VWCE: variants seen among roughly 807,000 people sequenced by gnomAD.
The protein encoded by VWCE is von Willebrand factor C and EGF domain-containing protein.
In VWCE, 68 loss-of-function variants were observed where a neutral mutation model predicts 102.9. The observed-to-expected ratio is 0.66, with a 90% CI of 0.54 to 0.81. The LOEUF (loss-of-function observed/expected upper bound fraction) is 0.81. VWCE is among the 30% of genes least tolerant of loss of function. The probability of loss-of-function intolerance (pLI) is 0.00; values close to 1 mark genes in which losing one functional copy is unlikely to be tolerated. For missense variants in VWCE, 1,137 were observed against 1,263.6 expected, an observed-to-expected ratio of 0.90 and a Z score of 1.52; for synonymous variants, 497 against 515.4, an observed-to-expected ratio of 0.96 and a Z score of 0.48.
chr11:61,261,465 G>A (rs1313268731), intron 19 of VWCE, among the ~76,000 whole-genome samples: 1 of 151,592 alleles, frequency 6.6e-6, no homozygotes, highest in African/African-American at 2.4e-5. Context: ...AAAAGAGGCT[G>A]GGCTCAGTGG....
chr11:61,289,982 C>T (rs538695007), intron 4 of VWCE, among the ~76,000 whole-genome samples: 10 of 152,292 alleles, frequency 6.6e-5, no homozygotes, highest in South Asian at 2.1e-4. Flanking sequence ...AGATTTTGTC[C>T]GTAGAAATGT....
In VWCE at chr11:61,259,251, G is replaced by A. The variant is rs1303339785; in HGVS notation, c.2292C>T (p.Ser764=). Residue 764 remains serine (S), a synonymous_variant, in exon 20 of 20, where the codon AGC becomes AGT. Transcript: ENST00000335613. ...GLSPHGNVAF[S]KAGRSLHGDT... is the part of the protein sequence containing the mutation. ...CTCCATGCAGGCTCCGACCAGCTTT[G>A]CTGAATGCCACATTTCCGTGAGGGG... 2 of 1,611,076 alleles carry A rather than the reference G, an allele frequency of 1.2e-6. No homozygotes were observed. The highest frequency in any genetic ancestry group is 1.7e-4 in the Middle Eastern group (1 of 6,040).
At chr11:61,286,209 G>A in intron 5 of VWCE, 105 bp downstream of exon 5, 1 of 1,097,512 alleles carries the variant, frequency 9.1e-7, no homozygotes, top group Non-Finnish European at 1.4e-6. Context: ...AAGGTTCAAT[G>A]CAGTGGCACA....
rs1429264780 is a variant in VWCE, at chr11:61,295,009, G to A, written c.29C>T (p.Ala10Val). The A allele has an allele frequency of 1.4e-6, 2 of 1,471,200 alleles. No homozygotes were observed. The highest frequency in any genetic ancestry group is 2.9e-5 in the East Asian group (1 of 34,676). 91.1% of individuals were successfully genotyped at this position (1,471,200 alleles called of 1,614,324 possible). Residue 10 changes from alanine to valine, a missense_variant, in exon 1 of 20, where the codon GCC becomes GTC. By Grantham distance (64) the Ala-to-Val change is moderately conservative. Coordinates refer to ENST00000335613, the MANE Select transcript of VWCE (RefSeq NM_152718.2). This position sits in a 1 kb window ranked among gnomAD's most constrained non-coding sequence, Gnocchi z 4.6. The stretch of plus-strand genomic sequence containing the variant: ...CCCCGGCAGCAGGAGCGCGACACAG[G>A]CGGCCCGAAGGAGCAGTCCGGCCCA... Reference protein sequence around the residue: MWAGLLLRAACVALLLPGAP... With the variant: MWAGLLLRAVCVALLLPGAP...
At position 61,294,477 on chromosome 11, in the gene VWCE, AC is replaced by A. The variant is rs1855611016; in HGVS notation, c.110+450del. Among the ~76,000 whole-genome samples, 1 of 151,888 alleles carries A rather than the reference AC, an allele frequency of 6.6e-6. No homozygotes were observed. The highest frequency in any genetic ancestry group is 2.4e-5 in the African/African-American group (1 of 41,332). ...ACAGAAAACGAAAAGTGACCCAGAGACCCCGGCTGTTCCAAGGTCCATGAAG... is the reference window on the plus strand; with the variant it reads ...ACAGAAAACGAAAAGTGACCCAGAGACCCGGCTGTTCCAAGGTCCATGAAG... On this transcript the variant is annotated intron_variant, in intron 1 of 19. Coordinates refer to ENST00000335613, the MANE Select transcript of VWCE (RefSeq NM_152718.2). The surrounding 1 kb of genome is among the most constrained non-coding windows in gnomAD (Gnocchi z 6.3).
rs1854457989 is a variant in VWCE at position 61,264,655 on chromosome 11, G to A, written c.2140-78C>T. On this transcript the variant is annotated intron_variant, in intron 18 of 19. Transcript: ENST00000335613. ...TGGGCAGTGCCCTCAAGGGCCTCTT[G>A]CACCAGCAGCAGGACCCACGGAAAG... 2.1e-6 allele frequency: 3 copies of A among 1,419,846 alleles called. No homozygotes were observed. In the South Asian group the frequency reaches 3.7e-5, roughly 17 times the overall value. 88.0% of individuals were successfully genotyped at this position (1,419,846 alleles called of 1,614,324 possible). A position where few individuals can be genotyped will look rare whatever the true frequency, so the allele number is the denominator to read the frequency against.
intron 16 of VWCE, among the ~76,000 whole-genome samples, chr11:61,267,189 C>T (rs1256097860): frequency 2.6e-5 from 4 of 152,160 alleles, no homozygotes; most frequent in South Asian, 4.2e-4. Context: ...ACTCGGGAAG[C>T]GGAGGTTGCA....
chr11:61,281,130 G>A lies in VWCE; in HGVS notation c.893C>T (p.Pro298Leu), dbSNP rs758474716. 6.2e-7 allele frequency: 1 copy of A among 1,613,582 alleles called. No homozygotes were observed. The change falls in exon 8 of 20, where the codon CCA (proline) becomes CTA (leucine). Residue 298 changes from proline to leucine, a missense_variant. Around this residue, in one of 5 missense-constraint regions of VWCE, gnomAD observed 575 missense variants for 625.9 expected, o/e 0.92. Coordinates refer to ENST00000335613, the MANE Select transcript of VWCE (RefSeq NM_152718.2). ...LPEAGRPALS[P>L]GHSPPSGAPG... Reference sequence around the variant, plus strand: ...AGCCCCAGAAGGAGGGCTATGTCCTGGGGACAGGGCAGGCCGGCCGGCCTC... The same window carrying A: ...AGCCCCAGAAGGAGGGCTATGTCCTAGGGACAGGGCAGGCCGGCCGGCCTC...
intron 15 of VWCE, 114 bp from the exon 16 acceptor site, chr11:61,267,658 C>A: frequency 1.1e-6 from 1 of 893,152 alleles, no homozygotes; most frequent in South Asian, 1.5e-5. Flanking sequence ...CATGTGCCTC[C>A]CCAGGCAGTC....
At chr11:61,289,052 C>G (rs1855418867) in intron 4 of VWCE, among the ~76,000 whole-genome samples, 1 of 151,800 alleles carries the variant, frequency 6.6e-6, no homozygotes, top group Non-Finnish European at 1.5e-5. Context: ...TTGGTCATGG[C>G]TGGTCTCGAA....
intron 5 of VWCE, 67 bp downstream of exon 5, chr11:61,286,247 G>A (rs1005684009): frequency 2.1e-5 from 31 of 1,460,540 alleles, no homozygotes; most frequent in Non-Finnish European, 2.7e-5. Flanking sequence ...GGCATGGCAG[G>A]GCTGAGTGTT....
chr11:61,259,756 T>C (rs772592815), intron 19 of VWCE, among the ~76,000 whole-genome samples: 2 of 152,210 alleles, frequency 1.3e-5, no homozygotes, highest in African/African-American at 2.4e-5. Flanking sequence ...ATGTGGAGTC[T>C]GAGGCATATG....
chr11:61,281,659 A>G, intron 7 of VWCE, 127 bp downstream of exon 7: 1 of 1,247,670 alleles, frequency 8.0e-7, no homozygotes, highest in Non-Finnish European at 1.1e-6. Context: ...CGGGGCCAGG[A>G]GCTGAGAGGG....
rs1235669203 is a variant in VWCE, at chr11:61,291,282, G to C, written c.277C>G (p.Gln93Glu). 4 of 1,595,422 alleles carry C rather than the reference G, an allele frequency of 2.5e-6. No homozygotes were observed. The highest frequency in any genetic ancestry group is 3.4e-6 in the Non-Finnish European group (4 of 1,169,588). Reference protein sequence around the residue: ...PNVCSCQDGEQGATCPETHGP... With the variant: ...PNVCSCQDGEEGATCPETHGP... ...CAGTTACCTGGGCAGGTGGCCCCTT[G>C]CTCTCCATCCTGGCAGGAGCAGACA... The change falls in exon 3 of 20, where the codon CAA becomes GAA. Residue 93 changes from glutamine (Q) to glutamate (E), a missense_variant. Physicochemically the swap from Gln to Glu is conservative, Grantham distance 29. This residue lies in a region of VWCE where 575 missense variants were observed against 625.9 expected (regional missense o/e 0.92). Coordinates refer to ENST00000335613, the MANE Select transcript of VWCE (RefSeq NM_152718.2).
Position 61,294,822 on chromosome 11 carries a change from C to G in VWCE, c.110+106G>C, listed in dbSNP as rs2134870818. ...GCTGATAGCACCCCAGAGGAAGCCC[C>G]GACACGCGGCTGCCTGCGGCTCCTG... On this transcript the variant is annotated intron_variant, in intron 1 of 19. Transcript: ENST00000335613. This position sits in a 1 kb window ranked among gnomAD's most constrained non-coding sequence, Gnocchi z 6.3. 1.4e-6 allele frequency: 1 copy of G among 731,030 alleles called. No individual in the cohort carries two copies. Among genetic ancestry groups the G allele is most frequent in the Non-Finnish European group, 2.0e-6 (1 of 512,006 alleles). 45.3% of individuals were successfully genotyped at this position (731,030 alleles called of 1,614,324 possible). A position where few individuals can be genotyped will look rare whatever the true frequency, so the allele number is the denominator to read the frequency against.
intron 4 of VWCE, among the ~76,000 whole-genome samples, chr11:61,288,403 T>C (rs567011905): frequency 1.3e-5 from 2 of 152,236 alleles, no homozygotes; most frequent in African/African-American, 4.8e-5. Flanking sequence ...CTCGCCACTG[T>C]GGCCCCCAAG....
At chr11:61,264,116 C>T (rs956967023) in intron 19 of VWCE, among the ~76,000 whole-genome samples, 9 of 150,944 alleles carry the variant, frequency 6.0e-5, no homozygotes, top group African/African-American at 2.0e-4. Context: ...GTCCCAGCTA[C>T]TCCGGAGGCT....
chr11:61,292,306 C>T (rs1855530811), intron 1 of VWCE, among the ~76,000 whole-genome samples: 1 of 152,144 alleles, frequency 6.6e-6, no homozygotes. Flanking sequence ...CAGATCTCTG[C>T]CCATGGCACC....
At chr11:61,285,945 G>A (rs1185525717) in intron 5 of VWCE, among the ~76,000 whole-genome samples, 1 of 152,150 alleles carries the variant, frequency 6.6e-6, no homozygotes, top group Non-Finnish European at 1.5e-5. Context: ...GTAGAGACGA[G>A]GTTTCACCAT....
Sources: gnomAD v4.1 joint callset for allele counts (sites outside exome capture counted in the v4.1 genomes callset) on GRCh38, gnomAD v4.1.1 for gene constraint, gnomAD v4.1.1 regional missense constraint, Gnocchi (gnomAD v3.1) non-coding constraint, MANE v1.5 for transcripts, NCBI Gene and HGNC (gene_info 2026-07-23, HGNC 2026-07-21) for gene names.